Variants in NR6A1 observed in about 807,000 individuals in gnomAD.
NR6A1 encodes the protein nuclear receptor subfamily 6 group A member 1.
Under a neutral mutation model 59.1 loss-of-function variants are expected in NR6A1, and 7 were observed. The ratio of observed to expected loss-of-function variants is 0.12; its 90% CI spans 0.07 to 0.22. NR6A1 has a LOEUF of 0.22. Ranked by LOEUF, NR6A1 falls within the 10% of genes least tolerant of loss-of-function variation. The probability of loss-of-function intolerance (pLI) is 1.00; values close to 1 mark genes in which losing one functional copy is unlikely to be tolerated. For synonymous variants in NR6A1, 243 were observed against 236.1 expected (o/e 1.03, Z -0.27); for missense variants, 468 against 611.6 (o/e 0.77, Z 2.48).
chr9:124,534,303 C>A (rs1428870077), intron 7 of NR6A1, among the ~76,000 whole-genome samples: 1 of 152,004 alleles, frequency 6.6e-6, no homozygotes, highest in Admixed American at 6.5e-5. Flanking sequence ...GAACTCCCAA[C>A]CTCAGGTGAT....
intron 2 of NR6A1, among the ~76,000 whole-genome samples, chr9:124,633,402 C>CAA (rs11337023): frequency 0.035 from 2,527 of 72,298 alleles, 75 homozygotes; most frequent in East Asian, 0.14. Flanking sequence ...AACTCCGTCT[C>CAA]AAAAAAAAAA....
chr9:124,725,270 G>A (rs1165852968), intron 2 of NR6A1, among the ~76,000 whole-genome samples: 1 of 152,092 alleles, frequency 6.6e-6, no homozygotes, highest in East Asian at 1.9e-4. Context: ...AACTTAGCCT[G>A]AACCTGTGCC....
rs145261288 is a variant in NR6A1 at position 124,681,668 on chromosome 9, G to C, written c.142+51640C>G. On this transcript the variant is annotated intron_variant, in intron 2 of 9. Transcript: ENST00000487099. ...CATTTGAGCTTTTAAGCCAAAATTA[G>C]AATTTTGGGATATTTTTATCTGTCA... Among the ~76,000 whole-genome samples, 193 of 152,182 alleles carry C rather than the reference G, an allele frequency of 1.3e-3. 2 individuals are homozygous for C. The highest frequency in any genetic ancestry group is 4.1e-3 in the African/African-American group (172 of 41,544).
At chr9:124,637,688 C>T (rs545100630) in intron 2 of NR6A1, among the ~76,000 whole-genome samples, 4 of 152,024 alleles carry the variant, frequency 2.6e-5, no homozygotes, top group South Asian at 2.1e-4. Context: ...TCCAGGAGTT[C>T]GACACCAGCC....
chr9:124,696,818 G>A (rs1838780127), intron 2 of NR6A1, among the ~76,000 whole-genome samples: 2 of 152,014 alleles, frequency 1.3e-5, no homozygotes, highest in Non-Finnish European at 2.9e-5. Flanking sequence ...CACCATGCCT[G>A]GATAATTTTT....
At chr9:124,571,998 A>G (rs1834451929) in intron 2 of NR6A1, among the ~76,000 whole-genome samples, 3 of 152,160 alleles carry the variant, frequency 2.0e-5, no homozygotes, top group Admixed American at 1.3e-4. Flanking sequence ...ACAAGAAGAG[A>G]TAGAAAAAAG....
At chr9:124,715,990 G>A (rs1839408509) in intron 2 of NR6A1, among the ~76,000 whole-genome samples, 1 of 152,056 alleles carries the variant, frequency 6.6e-6, no homozygotes, top group Non-Finnish European at 1.5e-5. Context: ...ATTACTTGAG[G>A]CCAGGAGTTC....
Position 124,771,078 on chromosome 9 carries a change from G to C in NR6A1, c.42C>G (p.Gly14=), listed in dbSNP as rs1841144558. 4.9e-6 allele frequency: 6 copies of C among 1,230,276 alleles called. No individual in the cohort carries two copies. The highest frequency in any genetic ancestry group is 5.1e-6 in the Non-Finnish European group (5 of 986,878). The allele number at this position is 1,230,276 out of a possible 1,614,324, so 76.2% of individuals were successfully genotyped here. Reference sequence around the variant, plus strand: ...GCTCCAGGAACCCCGCCGAGCCCCCGCCGCCTCCCCCTCCGCTAGGCGGCG... The same window carrying C: ...GCTCCAGGAACCCCGCCGAGCCCCCCCCGCCTCCCCCTCCGCTAGGCGGCG... ...DEPPPSGGGG[G]GGSAGFLEPP... Residue 14 remains glycine, a synonymous_variant, in exon 1 of 10, where the codon GGC becomes GGG. Transcript: ENST00000487099.
At chr9:124,746,455 G>C (rs1045429761) in intron 1 of NR6A1, among the ~76,000 whole-genome samples, 1 of 152,120 alleles carries the variant, frequency 6.6e-6, no homozygotes, top group Non-Finnish European at 1.5e-5. Flanking sequence ...TGGGCATGGT[G>C]GTGGGCACCT....
At chr9:124,567,976 C>T (rs948712493) in intron 2 of NR6A1, among the ~76,000 whole-genome samples, 13 of 146,282 alleles carry the variant, frequency 8.9e-5, no homozygotes, top group African/African-American at 3.0e-4. Context: ...GAGATTGAGA[C>T]CATCCTGGCT....
intron 2 of NR6A1, among the ~76,000 whole-genome samples, chr9:124,639,807 C>A (rs1374072799): frequency 6.6e-6 from 1 of 152,162 alleles, no homozygotes; most frequent in African/African-American, 2.4e-5. Flanking sequence ...GTCACCTTGA[C>A]CAAGTTGTTT....
chr9:124,523,810 G>A (rs952504891), intron 9 of NR6A1, among the ~76,000 whole-genome samples: 8 of 152,002 alleles, frequency 5.3e-5, no homozygotes, highest in South Asian at 2.1e-4. Context: ...CTTTAAAATC[G>A]TATTGCTTTC....
chr9:124,583,116 T>C (rs973179099), intron 2 of NR6A1, among the ~76,000 whole-genome samples: 4 of 152,126 alleles, frequency 2.6e-5, no homozygotes, highest in Non-Finnish European at 2.9e-5. Context: ...AATACAATGA[T>C]TGCTCAGCAA....
intron 2 of NR6A1, among the ~76,000 whole-genome samples, chr9:124,573,121 C>G (rs1242768271): frequency 6.6e-6 from 1 of 152,166 alleles, no homozygotes; most frequent in East Asian, 1.9e-4. Flanking sequence ...AAAGAAGGCT[C>G]ACAGGATCTA....
intron 2 of NR6A1, among the ~76,000 whole-genome samples, chr9:124,682,907 T>A (rs1019873371): frequency 6.6e-6 from 1 of 152,128 alleles, no homozygotes; most frequent in South Asian, 2.1e-4. Flanking sequence ...TATAGCACAG[T>A]CAAGACTTGA....
intron 2 of NR6A1, among the ~76,000 whole-genome samples, chr9:124,587,389 T>C (rs760361930): frequency 3.3e-5 from 5 of 152,194 alleles, no homozygotes; most frequent in Non-Finnish European, 5.9e-5. Context: ...GCACAGTTTA[T>C]AAAAACTCCA....
chr9:124,546,715 C>T (rs1218192639), intron 3 of NR6A1, among the ~76,000 whole-genome samples: 2 of 152,272 alleles, frequency 1.3e-5, no homozygotes, highest in South Asian at 2.1e-4. Context: ...TAAAATCGGT[C>T]AAGATGCCAT....
chr9:124,718,221 G>T (rs1839455803), intron 2 of NR6A1, among the ~76,000 whole-genome samples: 4 of 152,202 alleles, frequency 2.6e-5, no homozygotes, highest in African/African-American at 9.6e-5. Flanking sequence ...CTTTCAGCAG[G>T]TATCCCTGCA....
chr9:124,707,933 C>T (rs925366625), intron 2 of NR6A1, among the ~76,000 whole-genome samples: 1 of 152,188 alleles, frequency 6.6e-6, no homozygotes, highest in African/African-American at 2.4e-5. Context: ...CAGGCCTTCA[C>T]GTCTGTTCCA....
Sources: allele counts gnomAD v4.1 joint callset (sites outside exome capture counted in the v4.1 genomes callset), GRCh38; gene constraint gnomAD v4.1.1; transcripts MANE v1.5; gene names NCBI Gene and HGNC (gene_info 2026-07-23, HGNC 2026-07-21).